Variants in PLOD2 observed in about 807,000 individuals in gnomAD.
PLOD2 encodes the protein lysine hydroxylase 2.
In PLOD2, 65 loss-of-function variants were observed where a neutral mutation model predicts 101.0. The ratio of observed to expected loss-of-function variants is 0.64; its 90% CI spans 0.53 to 0.79. The LOEUF (loss-of-function observed/expected upper bound fraction) is 0.79. Among genes scored for constraint, PLOD2 ranks in the 30% least tolerant of loss-of-function variants. The probability of loss-of-function intolerance (pLI) is 0.00; values close to 1 mark genes in which losing one functional copy is unlikely to be tolerated. For missense variants in PLOD2, 909 were observed against 914.6 expected (o/e 0.99, Z 0.08); for synonymous variants, 314 against 302.9 (o/e 1.04, Z -0.38).
chr3:146,093,748 T>C (rs1392504730), intron 7 of PLOD2, among the ~76,000 whole-genome samples: 1 of 152,162 alleles, frequency 6.6e-6, no homozygotes, highest in African/African-American at 2.4e-5. Context: ...TTATTAAAAA[T>C]GTAAAATTTA....
intron 1 of PLOD2, among the ~76,000 whole-genome samples, chr3:146,152,012 TAAAC>T (rs1482909857): frequency 6.6e-6 from 1 of 152,228 alleles, no homozygotes; most frequent in Non-Finnish European, 1.5e-5. Flanking sequence ...CTTAGCTAAA[TAAAC>T]TAATGTAGAT....
At chr3:146,082,322 A>C (rs1000251624) in intron 11 of PLOD2, among the ~76,000 whole-genome samples, 1 of 152,204 alleles carries the variant, frequency 6.6e-6, no homozygotes, top group Non-Finnish European at 1.5e-5. Context: ...TTTGTAAAAA[A>C]TGAATGAAGA....
At chr3:146,102,678 T>C (rs572580347) in intron 7 of PLOD2, 77 bp downstream of exon 7, 1 of 765,762 alleles carries the variant, frequency 1.3e-6, no homozygotes, top group South Asian at 1.5e-5. Context: ...TTTTTAAAAA[T>C]AAAATAGATG....
At chr3:146,135,888 G>A (rs77012739) in intron 1 of PLOD2, among the ~76,000 whole-genome samples, 5,619 of 151,008 alleles carry the variant, frequency 0.037, 166 homozygotes, top group Middle Eastern at 0.061. Context: ...TTGCACTGCT[G>A]TCCAAAAAAA....
Position 146,078,238 on chromosome 3 carries a change from G to A in PLOD2, c.1501-314C>T, listed in dbSNP as rs552924439. Among the ~76,000 whole-genome samples, 3 of 151,838 alleles carry A rather than the reference G, an allele frequency of 2.0e-5. No homozygotes were observed. The South Asian group carries it at 6.2e-4, about 31-fold the overall frequency. On this transcript the variant is annotated intron_variant, in intron 13 of 19. Coordinates refer to ENST00000282903, the MANE Select transcript of PLOD2 (RefSeq NM_182943.3). The stretch of plus-strand genomic sequence containing the variant: ...AGTAAGAGAGGCCATTCCATGATGC[G>A]CTGTTGAGTCAAATTAGCCAAACAT...
chr3:146,110,924 T>A (rs1321988844), intron 3 of PLOD2, among the ~76,000 whole-genome samples: 1 of 152,234 alleles, frequency 6.6e-6, no homozygotes, highest in Non-Finnish European at 1.5e-5. Context: ...GTATGTTTAA[T>A]ATCTGAATGA....
At chr3:146,142,615 T>C (rs995524982) in intron 1 of PLOD2, among the ~76,000 whole-genome samples, 2 of 152,088 alleles carry the variant, frequency 1.3e-5, no homozygotes, top group Non-Finnish European at 2.9e-5. Flanking sequence ...CTGACCTAAA[T>C]GGAAAGTGGA....
rs1486356303 is a variant in PLOD2, at chr3:146,088,621, G to A, written c.970C>T (p.Pro324Ser). ...FLDILLTLDY[P>S]KEALKLFIHN... ...ATAAAAAGTTTAAGTGCTTCTTTTG[G>A]GTAATCCAGTGTCAACAATATGTCC... Residue 324 changes from proline to serine, a missense_variant, in exon 9 of 20, where the codon CCA becomes TCA. By Grantham distance (74) the Pro-to-Ser change is moderately conservative. Coordinates refer to ENST00000282903, the MANE Select transcript of PLOD2 (RefSeq NM_182943.3). The A allele has an allele frequency of 1.3e-6, 2 of 1,591,292 alleles. No homozygotes were observed. The highest frequency in any genetic ancestry group is 2.2e-5 in the East Asian group (1 of 44,630).
At chr3:146,150,958 T>C (rs1329732878) in intron 1 of PLOD2, among the ~76,000 whole-genome samples, 1 of 152,222 alleles carries the variant, frequency 6.6e-6, no homozygotes, top group Non-Finnish European at 1.5e-5. Context: ...GTAAATTTAA[T>C]TCTAGTTATT....
rs1049677150 is a variant in PLOD2 at position 146,070,090 on chromosome 3, T to A, written c.*627A>T. On this transcript the variant is annotated 3_prime_UTR_variant, in exon 20 of 20. Transcript: ENST00000282903. Reference sequence around the variant, plus strand: ...GATTTTTAATACTAATATAAAATAATCTGCCTTCCAATCAAAACAAAAATG... The same window carrying A: ...GATTTTTAATACTAATATAAAATAAACTGCCTTCCAATCAAAACAAAAATG... 6.6e-5 allele frequency: 10 copies of A among 152,066 alleles called. No homozygotes were observed. The highest frequency in any genetic ancestry group is 2.4e-4 in the African/African-American group (10 of 41,558). The allele number at this position is 152,066 out of a possible 1,614,324, so 9.4% of individuals were successfully genotyped here.
At chr3:146,134,141 A>G (rs2031091900) in intron 1 of PLOD2, among the ~76,000 whole-genome samples, 1 of 152,226 alleles carries the variant, frequency 6.6e-6, no homozygotes, top group Non-Finnish European at 1.5e-5. Flanking sequence ...GATTTTCTCT[A>G]TATGATTTTA....
At chr3:146,123,241 GT>G in intron 2 of PLOD2, 2 of 1,000,424 alleles carry the variant, frequency 2.0e-6, no homozygotes, top group Non-Finnish European at 2.5e-6. Context: ...TAAAAAAAAA[GT>G]TTTTTGCTTT....
At chr3:146,134,944 G>A (rs1269665353) in intron 1 of PLOD2, among the ~76,000 whole-genome samples, 1 of 152,162 alleles carries the variant, frequency 6.6e-6, no homozygotes, top group Non-Finnish European at 1.5e-5. Context: ...AAATGGATGA[G>A]TTACACAAAA....
chr3:146,096,667 G>A (rs1471108325), intron 7 of PLOD2, among the ~76,000 whole-genome samples: 3 of 131,488 alleles, frequency 2.3e-5, no homozygotes, highest in African/African-American at 8.8e-5. Flanking sequence ...CGTCTGAGAA[G>A]TGAGGAGCCC....
At chr3:146,115,035 G>C in intron 3 of PLOD2, among the ~76,000 whole-genome samples, 1 of 152,148 alleles carries the variant, frequency 6.6e-6, no homozygotes, top group Non-Finnish European at 1.5e-5. Flanking sequence ...AAAACTTGCT[G>C]GTTTTGCGGC....
Position 146,076,544 on chromosome 3 carries a change from C to G in PLOD2, c.1677+238G>C, listed in dbSNP as rs568150564. 7.0e-5 allele frequency: 5 copies of G among 71,140 alleles called. No homozygotes were observed. In the South Asian group the frequency reaches 2.2e-3, roughly 31 times the overall value. The allele number at this position is 71,140 out of a possible 1,614,324, so 4.4% of individuals were successfully genotyped here. On this transcript the variant is annotated intron_variant, in intron 15 of 19. Coordinates refer to ENST00000282903, the MANE Select transcript of PLOD2 (RefSeq NM_182943.3). ...TTCAAACTGCTTTCCAAATTCATTC[C>G]GACCAACAACGTACAAGCATTCCCT...
At chr3:146,121,912 C>T (rs2030185835) in intron 2 of PLOD2, among the ~76,000 whole-genome samples, 1 of 152,178 alleles carries the variant, frequency 6.6e-6, no homozygotes, top group Admixed American at 6.5e-5. Context: ...CATGATGACA[C>T]ACTGACTCTA....
chr3:146,078,107 GC>G, intron 13 of PLOD2, among the ~76,000 whole-genome samples, 183 bp from the exon 14 acceptor site: 1 of 151,928 alleles, frequency 6.6e-6, no homozygotes, highest in African/African-American at 2.4e-5. Context: ...AGCTCTTTCA[GC>G]CCTTCTTTTC....
intron 1 of PLOD2, among the ~76,000 whole-genome samples, chr3:146,136,751 G>A (rs186641196): frequency 2.4e-4 from 36 of 152,246 alleles, no homozygotes; most frequent in Non-Finnish European, 4.7e-4. Flanking sequence ...TAAATATTCG[G>A]TACAGTAACA....
Sources: gnomAD v4.1 joint callset for allele counts (sites outside exome capture counted in the v4.1 genomes callset) on GRCh38, gnomAD v4.1.1 for gene constraint, MANE v1.5 for transcripts, NCBI Gene and HGNC (gene_info 2026-07-23, HGNC 2026-07-21) for gene names.